SEMA3F: variants seen among roughly 807,000 people sequenced by gnomAD.
SEMA3F encodes the protein semaphorin 3F.
A neutral mutation model predicts 98.5 loss-of-function variants in SEMA3F; 30 were observed. The observed-to-expected ratio is 0.30, with a 90% CI of 0.23 to 0.41. The LOEUF is 0.41. Among genes scored for constraint, SEMA3F ranks in the 10% least tolerant of loss-of-function variants. SEMA3F has a pLI of 1.00. For missense variants in SEMA3F, 866 were observed against 1,119.3 expected, an observed-to-expected ratio of 0.77 and a Z score of 3.23; for synonymous variants, 380 against 444.8, an observed-to-expected ratio of 0.85 and a Z score of 1.83.
intron 2 of SEMA3F, among the ~76,000 whole-genome samples, chr3:50,172,251 G>A (rs545087472): frequency 6.6e-6 from 1 of 152,320 alleles, no homozygotes; most frequent in African/African-American, 2.4e-5. Context: ...TGTGCCACGT[G>A]TATACATGCA....
intron 12 of SEMA3F, chr3:50,184,224 G>A (rs1193811461): frequency 1.7e-5 from 5 of 289,334 alleles, no homozygotes; most frequent in African/African-American, 1.1e-4. Context: ...GTGTGACAAG[G>A]ACGTCGGGGC....
rs1294595386 is a variant in SEMA3F, at chr3:50,185,905, C to T, written c.1604C>T (p.Ala535Val). 3.1e-6 allele frequency: 5 copies of T among 1,612,116 alleles called. No individual in the cohort carries two copies. The highest frequency in any genetic ancestry group is 1.7e-5 in the Admixed American group (1 of 59,968). Reference protein sequence around the residue: ...ISSKRQQLYVASAVGVTHLSL... With the variant: ...ISSKRQQLYVVSAVGVTHLSL... Reference sequence around the variant, plus strand: ...TTGCCCCAGCAACAACTCTACGTGGCGTCAGCCGTGGGTGTCACACACCTG... The same window carrying T: ...TTGCCCCAGCAACAACTCTACGTGGTGTCAGCCGTGGGTGTCACACACCTG... The change falls in exon 16 of 19, where the codon GCG (alanine) becomes GTG (valine). Residue 535 changes from alanine to valine, a missense_variant. Physicochemically the swap from Ala to Val is moderately conservative, Grantham distance 64 (BLOSUM62 0). This residue lies in a region of SEMA3F where 374 missense variants were observed against 582.8 expected (regional missense o/e 0.64). Transcript: ENST00000002829.
In SEMA3F at chr3:50,182,722, A is replaced by G; in HGVS notation, c.842A>G (p.Glu281Gly). 1 of 1,613,456 alleles carries G rather than the reference A, an allele frequency of 6.2e-7. No homozygotes were observed. The highest frequency in any genetic ancestry group is 1.3e-5 in the African/African-American group (1 of 75,058). The change falls in exon 9 of 19, where the codon GAG (glutamate) becomes GGG (glycine). Residue 281 changes from glutamate to glycine, a missense_variant. Glu to Gly is a moderately conservative substitution (Grantham distance 98, BLOSUM62 -2). This residue lies in a region of SEMA3F where 374 missense variants were observed against 582.8 expected (regional missense o/e 0.64). Transcript: ENST00000002829. This position sits in a 1 kb window ranked among gnomAD's most constrained non-coding sequence, Gnocchi z 4.5. ...NDDKLYFFFR[E>G]RSAEAPQSPA... ...GATAAGCTTTACTTCTTCTTCCGTG[A>G]GCGGTCGGCAGAGGCGCCGCAGAGC... is the stretch of plus-strand genomic sequence containing the variant.
Position 50,158,516 on chromosome 3 carries a change from C to T in SEMA3F, c.-48-1059C>T, listed in dbSNP as rs1000843349. ...CATTGAGCAGCTATGGCAGGGGAGTCCCAGGCCATAGTACTGCCAACTCCC... is the reference window on the plus strand; with the variant it reads ...CATTGAGCAGCTATGGCAGGGGAGTTCCAGGCCATAGTACTGCCAACTCCC... On this transcript the variant is annotated intron_variant, in intron 1 of 18. Transcript: ENST00000002829. This position sits in a 1 kb window ranked among gnomAD's most constrained non-coding sequence, Gnocchi z 4.8. Among the ~76,000 whole-genome samples, 1 of 152,186 alleles carries T rather than the reference C, an allele frequency of 6.6e-6. No individual in the cohort carries two copies. The highest frequency in any genetic ancestry group is 6.5e-5 in the Admixed American group (1 of 15,284).
chr3:50,183,043 G>T, intron 10 of SEMA3F, 25 bp downstream of exon 10: 2 of 1,600,836 alleles, frequency 1.2e-6, no homozygotes, highest in Non-Finnish European at 1.7e-6. Flanking sequence ...GGCAGGCAGG[G>T]TGCTCTGGCT....
At chr3:50,184,507 CAG>C in intron 12 of SEMA3F, 83 bp from the exon 13 acceptor site, 1 of 925,556 alleles carries the variant, frequency 1.1e-6, no homozygotes, top group Non-Finnish European at 1.7e-6. Flanking sequence ...TGGGGACAGA[CAG>C]TGCAGCGGCC....
At chr3:50,162,550 C>T (rs1378293296) in intron 2 of SEMA3F, among the ~76,000 whole-genome samples, 1 of 152,218 alleles carries the variant, frequency 6.6e-6, no homozygotes, top group African/African-American at 2.4e-5. Context: ...CTGGAGTCCC[C>T]TACACTGCAG....
At chr3:50,164,855 T>C (rs1053146610) in intron 2 of SEMA3F, among the ~76,000 whole-genome samples, 3 of 152,186 alleles carry the variant, frequency 2.0e-5, no homozygotes, top group Non-Finnish European at 2.9e-5. Flanking sequence ...TTCTGGAAAA[T>C]GGGAGTAAGA....
chr3:50,163,591 C>G lies in SEMA3F; in HGVS notation c.112+3857C>G, dbSNP rs115557733. Among the ~76,000 whole-genome samples, 457 of 152,350 alleles carry G rather than the reference C, an allele frequency of 3.0e-3. 3 individuals carry two copies. Among genetic ancestry groups the G allele is most frequent in the African/African-American group, 0.011 (446 of 41,568 alleles). On this transcript the variant is annotated intron_variant, in intron 2 of 18. Transcript: ENST00000002829. ...GGAGTTGATGTGAGTTGAGGTGCCT[C>G]TAGCAAGCCTTGATGGGGCCTTAGC...
At chr3:50,167,885 TC>T (rs772627080) in intron 2 of SEMA3F, among the ~76,000 whole-genome samples, 8 of 152,120 alleles carry the variant, frequency 5.3e-5, no homozygotes, top group Non-Finnish European at 1.2e-4. Context: ...AGCCAACATT[TC>T]CCACCACATT....
At position 50,188,180 on chromosome 3, in the gene SEMA3F, T is replaced by G; in HGVS notation, c.*65T>G. The G allele has an allele frequency of 4.7e-6, 2 of 428,518 alleles. No homozygotes were observed. Among genetic ancestry groups the G allele is most frequent in the African/African-American group, 2.1e-5 (1 of 48,196 alleles). The allele number at this position is 428,518 out of a possible 1,614,324, so 26.5% of individuals were successfully genotyped here. ...TGTCCCTTTTAATATAAAAGATATATATATATATATATATATATAAAATAT... is the reference window on the plus strand; with the variant it reads ...TGTCCCTTTTAATATAAAAGATATAGATATATATATATATATATAAAATAT... On this transcript the variant is annotated 3_prime_UTR_variant, in exon 19 of 19. Coordinates refer to ENST00000002829, the MANE Select transcript of SEMA3F (RefSeq NM_004186.5). The surrounding 1 kb of genome is among the most constrained non-coding windows in gnomAD (Gnocchi z 4.5).
intron 14 of SEMA3F, 39 bp downstream of exon 14, chr3:50,185,570 T>G: frequency 6.2e-7 from 1 of 1,612,462 alleles, no homozygotes; most frequent in East Asian, 2.2e-5. Context: ...TCCCCACCTT[T>G]ACCCTCCCCC....
At chr3:50,171,755 C>A (rs896097943) in intron 2 of SEMA3F, among the ~76,000 whole-genome samples, 7 of 152,182 alleles carry the variant, frequency 4.6e-5, no homozygotes, top group African/African-American at 1.7e-4. Context: ...AGTGGCCCAA[C>A]AACAGGTGCG....
Position 50,186,037 on chromosome 3 carries a change from C to T in SEMA3F, c.1736C>T (p.Ser579Phe), listed in dbSNP as rs866965620. The change falls in exon 16 of 19, where the codon TCC becomes TTC. Residue 579 changes from serine (S) to phenylalanine (F), a missense_variant. Coordinates refer to ENST00000002829, the MANE Select transcript of SEMA3F (RefSeq NM_004186.5). ...CAGGCCTGCTCCCGCTATACAGCAT[C>T]CTCCAAGAGGTGTGGACCCCTAGAC... ...DGQACSRYTA[S>F]SKRRSRRQDV... The T allele has an allele frequency of 6.2e-7, 1 of 1,611,734 alleles. No individual in the cohort carries two copies. The highest frequency in any genetic ancestry group is 8.5e-7 in the Non-Finnish European group (1 of 1,178,562).
Position 50,155,598 on chromosome 3 carries a change from G to T in SEMA3F, c.-49+34G>T. 1 of 284,246 alleles carries T rather than the reference G, an allele frequency of 3.5e-6. No individual in the cohort carries two copies. Among genetic ancestry groups the T allele is most frequent in the South Asian group, 1.6e-4 (1 of 6,392 alleles). The allele number at this position is 284,246 out of a possible 1,614,324, so 17.6% of individuals were successfully genotyped here. On this transcript the variant is annotated intron_variant, in intron 1 of 18. Coordinates refer to ENST00000002829, the MANE Select transcript of SEMA3F (RefSeq NM_004186.5). The surrounding 1 kb of genome is among the most constrained non-coding windows in gnomAD (Gnocchi z 4.9). Reference sequence around the variant, plus strand: ...AGCGGGAACCGGGAGGGAGCGGGCAGGCGGCCGGGCCACCCCGCGACCCCT... The same window carrying T: ...AGCGGGAACCGGGAGGGAGCGGGCATGCGGCCGGGCCACCCCGCGACCCCT...
At chr3:50,180,312 C>T (rs889176892) in intron 7 of SEMA3F, among the ~76,000 whole-genome samples, 1 of 151,964 alleles carries the variant, frequency 6.6e-6, no homozygotes, top group Non-Finnish European at 1.5e-5. Flanking sequence ...CATAGGCGCC[C>T]ACCACCACCT....
At position 50,185,490 on chromosome 3, in the gene SEMA3F, G is replaced by A; in HGVS notation, c.1504G>A (p.Glu502Lys). ...CATTGTGCTGCCCAAGGATGACCAG[G>A]AGTTGGAGGAGCTCATGCTGGAGGA... ...KVIVLPKDDQELEELMLEEVE... is the reference protein window; with the variant it reads ...KVIVLPKDDQKLEELMLEEVE... Residue 502 changes from glutamate to lysine, a missense_variant, in exon 14 of 19, where the codon GAG becomes AAG. Glu to Lys is a moderately conservative substitution (Grantham distance 56). Transcript: ENST00000002829. 1.2e-6 allele frequency: 2 copies of A among 1,614,078 alleles called. No individual in the cohort carries two copies. Among genetic ancestry groups the A allele is most frequent in the Non-Finnish European group, 1.7e-6 (2 of 1,179,976 alleles).
intron 10 of SEMA3F, 83 bp downstream of exon 10, chr3:50,183,101 G>A (rs1006322322): frequency 3.2e-6 from 5 of 1,560,700 alleles, no homozygotes; most frequent in Non-Finnish European, 4.4e-6. Flanking sequence ...TGCCTTTGGT[G>A]GGCCCCCTCC....
At position 50,186,065 on chromosome 3, in the gene SEMA3F, C is replaced by G. The variant is rs779755017; in HGVS notation, c.1745+19C>G. On this transcript the variant is annotated intron_variant, in intron 16 of 18. Transcript: ENST00000002829. Reference sequence around the variant, plus strand: ...CCAAGAGGTGTGGACCCCTAGACACCTAGAATTTTAGCAACCAGTCCCAGG... The same window carrying G: ...CCAAGAGGTGTGGACCCCTAGACACGTAGAATTTTAGCAACCAGTCCCAGG... 5.0e-6 allele frequency: 8 copies of G among 1,589,508 alleles called. No individual in the cohort carries two copies. Among genetic ancestry groups the G allele is most frequent in the Non-Finnish European group, 6.9e-6 (8 of 1,164,196 alleles).
Sources: allele counts gnomAD v4.1 joint callset (sites outside exome capture counted in the v4.1 genomes callset), GRCh38; gene constraint gnomAD v4.1.1; regional missense constraint gnomAD v4.1.1; non-coding constraint Gnocchi (gnomAD v3.1); transcripts MANE v1.5; gene names NCBI Gene and HGNC (gene_info 2026-07-23, HGNC 2026-07-21).